The following HS3ST4 variants were observed in gnomAD, a reference collection of about 807,000 sequenced individuals.
HS3ST4 encodes the protein heparan sulfate glucosamine 3-O-sulfotransferase 4.
Under a neutral mutation model 29.2 loss-of-function variants are expected in HS3ST4, and 17 were observed. The observed-to-expected ratio is 0.58, with a 90% CI of 0.40 to 0.87. HS3ST4 has a LOEUF of 0.87. Among genes scored for constraint, HS3ST4 ranks in the 40% least tolerant of loss-of-function variants. The probability of loss-of-function intolerance (pLI) is 0.00; values close to 1 mark genes in which losing one functional copy is unlikely to be tolerated. For synonymous variants in HS3ST4, 314 were observed against 285.7 expected, an observed-to-expected ratio of 1.10 and a Z score of -1.00; for missense variants, 627 against 634.5, an observed-to-expected ratio of 0.99 and a Z score of 0.13.
At chr16:26,007,921 T>C (rs370500165) in intron 1 of HS3ST4, among the ~76,000 whole-genome samples, 1 of 151,878 alleles carries the variant, frequency 6.6e-6, no homozygotes, top group Admixed American at 6.6e-5. Context: ...CCACTTTTTT[T>C]TTTTTTTAAA....
chr16:25,846,631 G>A (rs942970885), intron 1 of HS3ST4, among the ~76,000 whole-genome samples: 1 of 151,822 alleles, frequency 6.6e-6, no homozygotes, highest in Non-Finnish European at 1.5e-5. Context: ...CATCTTGAAG[G>A]CAGTGAATTC....
intron 1 of HS3ST4, among the ~76,000 whole-genome samples, chr16:26,122,402 T>A (rs1041366470): frequency 6.8e-6 from 1 of 147,196 alleles, no homozygotes; most frequent in Non-Finnish European, 1.5e-5. Flanking sequence ...TAAAAACCAA[T>A]GAATGGTTTT....
At chr16:25,887,740 C>A in intron 1 of HS3ST4, among the ~76,000 whole-genome samples, 1 of 147,608 alleles carries the variant, frequency 6.8e-6, no homozygotes, top group Middle Eastern at 3.6e-3. Context: ...CTCCATCACC[C>A]AGTCTGGAGT....
At chr16:26,124,165 C>T (rs1279988841) in intron 1 of HS3ST4, among the ~76,000 whole-genome samples, 1 of 152,150 alleles carries the variant, frequency 6.6e-6, no homozygotes, top group Non-Finnish European at 1.5e-5. Flanking sequence ...GGTGATCCAC[C>T]CGCCTCGGCC....
chr16:25,741,392 G>T (rs1417240414), intron 1 of HS3ST4, among the ~76,000 whole-genome samples: 1 of 77,522 alleles, frequency 1.3e-5, no homozygotes, highest in African/African-American at 4.6e-5. Context: ...AAAAAAAAAG[G>T]CGGGGGGAGG....
rs1966675762 is a variant in HS3ST4, at chr16:25,744,774, A to T, written c.734+51623A>T. ...TGTGATAGTGAATAAGTCTCATGAGATCTGATGGTTTTGAAAAACGGGAGT... is the reference window on the plus strand; with the variant it reads ...TGTGATAGTGAATAAGTCTCATGAGTTCTGATGGTTTTGAAAAACGGGAGT... On this transcript the variant is annotated intron_variant, in intron 1 of 1. Transcript: ENST00000331351. 2.0e-5 allele frequency among the ~76,000 whole-genome samples: 3 copies of T among 152,030 alleles called. No individual in the cohort carries two copies. In the South Asian group the frequency reaches 6.2e-4, roughly 32 times the overall value.
At chr16:26,130,917 G>A (rs747977602) in intron 1 of HS3ST4, among the ~76,000 whole-genome samples, 6 of 152,172 alleles carry the variant, frequency 3.9e-5, no homozygotes, top group Non-Finnish European at 5.9e-5. Context: ...TGGGTATGTA[G>A]GACATATCTC....
chr16:25,747,377 T>G (rs1966691854), intron 1 of HS3ST4, among the ~76,000 whole-genome samples: 1 of 152,222 alleles, frequency 6.6e-6, no homozygotes, highest in African/African-American at 2.4e-5. Flanking sequence ...CAGGCAAAGC[T>G]GAGCTTTTGC....
chr16:25,783,028 C>A (rs1966854066), intron 1 of HS3ST4, among the ~76,000 whole-genome samples: 1 of 152,078 alleles, frequency 6.6e-6, no homozygotes. Flanking sequence ...AATCCACCCT[C>A]ATTTTGTTGC....
At chr16:26,134,175 T>TAA (rs1473892898) in intron 1 of HS3ST4, among the ~76,000 whole-genome samples, 7 of 152,016 alleles carry the variant, frequency 4.6e-5, no homozygotes, top group African/African-American at 9.7e-5. Context: ...AGGAGCAGCC[T>TAA]TAGCAAAGGA....
rs578075232 is a variant in HS3ST4 at position 25,697,465 on chromosome 16, T to C, written c.734+4314T>C. ...ATAATAATTTTAGATTGCTTACATG[T>C]TGAAATTATACTCATATCAAGTAAA... On this transcript the variant is annotated intron_variant, in intron 1 of 1. Transcript: ENST00000331351. Among the ~76,000 whole-genome samples the C allele has an allele frequency of 3.9e-5, 6 of 152,358 alleles. No homozygotes were observed. In the East Asian group the frequency reaches 1.2e-3, roughly 29 times the overall value.
intron 1 of HS3ST4, among the ~76,000 whole-genome samples, chr16:25,979,712 A>C (rs1265645522): frequency 6.6e-6 from 1 of 152,232 alleles, no homozygotes; most frequent in Non-Finnish European, 1.5e-5. Context: ...CGCTTGAATC[A>C]TCCCGAAACC....
intron 1 of HS3ST4, among the ~76,000 whole-genome samples, chr16:25,817,262 G>A (rs924395136): frequency 2.6e-5 from 4 of 151,858 alleles, no homozygotes; most frequent in African/African-American, 7.2e-5. Context: ...GGACTGGCAC[G>A]TATGTAAATG....
intron 1 of HS3ST4, among the ~76,000 whole-genome samples, chr16:26,010,056 A>C: frequency 6.6e-6 from 1 of 152,224 alleles, no homozygotes; most frequent in East Asian, 1.9e-4. Flanking sequence ...GCCAGGCCTA[A>C]GTCTAAGCAA....
chr16:25,911,218 C>T (rs1968235158), intron 1 of HS3ST4, among the ~76,000 whole-genome samples: 1 of 152,066 alleles, frequency 6.6e-6, no homozygotes, highest in African/African-American at 2.4e-5. Flanking sequence ...GATTCTTATG[C>T]CTGATATTAC....
intron 1 of HS3ST4, among the ~76,000 whole-genome samples, chr16:26,035,105 A>G (rs1051988283): frequency 6.6e-5 from 10 of 152,240 alleles, no homozygotes; most frequent in Non-Finnish European, 1.5e-4. Flanking sequence ...CTCAAATCAC[A>G]ATCTCCAGAA....
At chr16:26,033,514 C>CAA (rs112569573) in intron 1 of HS3ST4, among the ~76,000 whole-genome samples, 3 of 113,356 alleles carry the variant, frequency 2.6e-5, no homozygotes, top group Non-Finnish European at 3.6e-5. Context: ...GACTCTGTCT[C>CAA]AAAAAAAAAA....
chr16:26,037,138 C>G (rs1489862131), intron 1 of HS3ST4, among the ~76,000 whole-genome samples: 3 of 152,182 alleles, frequency 2.0e-5, no homozygotes, highest in Non-Finnish European at 4.4e-5. Flanking sequence ...AGAACAGCGC[C>G]ATTCTTAAGC....
rs1304896177 is a variant in HS3ST4, at chr16:25,881,631, TATC to T, written c.734+188484_734+188486del. 3.3e-5 allele frequency among the ~76,000 whole-genome samples: 5 copies of T among 152,228 alleles called. No individual in the cohort carries two copies. The South Asian group carries it at 1.0e-3, about 32-fold the overall frequency. On this transcript the variant is annotated intron_variant, in intron 1 of 1. Transcript: ENST00000331351. Reference sequence around the variant, plus strand: ...CAGACAGAGGGCTCCTGCAGTCTCTTATCATCGTGGGGCTCTTATCAGAAGGAT... The same window carrying T: ...CAGACAGAGGGCTCCTGCAGTCTCTTATCGTGGGGCTCTTATCAGAAGGAT...
Sources: gnomAD v4.1 joint callset for allele counts (sites outside exome capture counted in the v4.1 genomes callset) on GRCh38, gnomAD v4.1.1 for gene constraint, MANE v1.5 for transcripts, NCBI Gene and HGNC (gene_info 2026-07-23, HGNC 2026-07-21) for gene names.